CAMK4: variants seen among roughly 807,000 people sequenced by gnomAD.
CAMK4 encodes the protein calcium/calmodulin-dependent protein kinase type IV.
In CAMK4, 22 loss-of-function variants were observed where a neutral mutation model predicts 44.9. The observed-to-expected ratio is 0.49, with a 90% CI of 0.35 to 0.70. The LOEUF (loss-of-function observed/expected upper bound fraction) is 0.70. Ranked by LOEUF, CAMK4 falls within the 30% of genes least tolerant of loss-of-function variation. The pLI is 0.01. For missense variants in CAMK4, 498 were observed against 586.8 expected (o/e 0.85, Z 1.56); for synonymous variants, 218 against 215.4 (o/e 1.01, Z -0.11).
chr5:111,429,256 AAAAG>A, intron 5 of CAMK4, among the ~76,000 whole-genome samples: 1 of 152,322 alleles, frequency 6.6e-6, no homozygotes, highest in Admixed American at 6.5e-5. Context: ...GACTAAGAAA[AAAAG>A]AGAGAAGATC....
intron 2 of CAMK4, among the ~76,000 whole-genome samples, chr5:111,364,390 T>A (rs1750712633): frequency 6.6e-6 from 1 of 152,122 alleles, no homozygotes; most frequent in African/African-American, 2.4e-5. Context: ...TCAGCCAAAT[T>A]CTTTGTATTA....
chr5:111,231,777 A>G (rs1245959641), intron 1 of CAMK4, among the ~76,000 whole-genome samples: 17 of 152,244 alleles, frequency 1.1e-4, no homozygotes. Flanking sequence ...AACTGTGAAT[A>G]AAAGCAAATT....
At chr5:111,354,858 G>C (rs1750268087) in intron 2 of CAMK4, among the ~76,000 whole-genome samples, 1 of 152,058 alleles carries the variant, frequency 6.6e-6, no homozygotes, top group Non-Finnish European at 1.5e-5. Flanking sequence ...GGCAGACTCA[G>C]GATGCAGAAT....
chr5:111,358,734 C>T (rs1339819541), intron 2 of CAMK4, among the ~76,000 whole-genome samples: 1 of 151,886 alleles, frequency 6.6e-6, no homozygotes, highest in South Asian at 2.1e-4. Flanking sequence ...CCTTCACCTC[C>T]AGGTAGGCCC....
chr5:111,277,722 T>A (rs1343674205), intron 1 of CAMK4: 1 of 152,212 alleles, frequency 6.6e-6, no homozygotes, highest in African/African-American at 2.4e-5. Flanking sequence ...CAATTTTTTG[T>A]GTATCTCAGT....
intron 1 of CAMK4, among the ~76,000 whole-genome samples, chr5:111,245,670 A>G (rs1325154255): frequency 6.6e-6 from 1 of 152,236 alleles, no homozygotes; most frequent in Non-Finnish European, 1.5e-5. Context: ...CTAATATTTT[A>G]AACCTGTTAA....
intron 1 of CAMK4, among the ~76,000 whole-genome samples, chr5:111,314,461 C>T (rs1223801383): frequency 6.6e-6 from 1 of 152,052 alleles, no homozygotes; most frequent in Non-Finnish European, 1.5e-5. Flanking sequence ...CTGTAACCCA[C>T]ATTTTACATT....
chr5:111,369,398 G>A (rs935872242), intron 2 of CAMK4, among the ~76,000 whole-genome samples: 2 of 151,922 alleles, frequency 1.3e-5, no homozygotes, highest in Non-Finnish European at 1.5e-5. Context: ...AAATAGCTAC[G>A]CATATTTGCT....
intron 5 of CAMK4, among the ~76,000 whole-genome samples, chr5:111,431,308 A>G (rs1753432893): frequency 6.6e-6 from 1 of 152,176 alleles, no homozygotes; most frequent in Non-Finnish European, 1.5e-5. Flanking sequence ...GGATATCCAT[A>G]TGCAAAAGAA....
intron 5 of CAMK4, among the ~76,000 whole-genome samples, chr5:111,424,692 C>T (rs1753157885): frequency 6.6e-6 from 1 of 151,656 alleles, no homozygotes; most frequent in African/African-American, 2.4e-5. Flanking sequence ...TGCGATCCGC[C>T]CGCCTTGGCC....
intron 1 of CAMK4, among the ~76,000 whole-genome samples, chr5:111,261,081 T>G (rs1029139137): frequency 3.9e-5 from 6 of 152,196 alleles, no homozygotes; most frequent in African/African-American, 1.4e-4. Flanking sequence ...ATTCCTAGAA[T>G]GCCCTTTCTC....
chr5:111,279,997 T>G (rs1750940215), intron 1 of CAMK4, among the ~76,000 whole-genome samples: 1 of 152,180 alleles, frequency 6.6e-6, no homozygotes, highest in Non-Finnish European at 1.5e-5. Flanking sequence ...CAGCCGGTAT[T>G]CACAGCAGTA....
intron 7 of CAMK4, among the ~76,000 whole-genome samples, chr5:111,456,549 TG>T (rs1754425457): frequency 6.6e-6 from 1 of 152,134 alleles, no homozygotes; most frequent in African/African-American, 2.4e-5. Flanking sequence ...ATGACATTGA[TG>T]GTTCTAAACT....
At chr5:111,251,119 A>G (rs1749470802) in intron 1 of CAMK4, among the ~76,000 whole-genome samples, 1 of 152,194 alleles carries the variant, frequency 6.6e-6, no homozygotes, top group South Asian at 2.1e-4. Context: ...AGAGTTGCGT[A>G]GCTGTATTTT....
In CAMK4 at chr5:111,261,980, T is replaced by C. The variant is rs1183156716; in HGVS notation, c.161+37336T>C. On this transcript the variant is annotated intron_variant, in intron 1 of 10. Coordinates refer to ENST00000282356, the MANE Select transcript of CAMK4 (RefSeq NM_001744.6). ...CACAGCCTGGGATATTAAGGAGAAGTCCTTATCTTTGAGAGTTTAATACTT... is the reference window on the plus strand; with the variant it reads ...CACAGCCTGGGATATTAAGGAGAAGCCCTTATCTTTGAGAGTTTAATACTT... 3.2e-4 allele frequency among the ~76,000 whole-genome samples: 49 copies of C among 152,030 alleles called. 1 individual carries two copies. Among genetic ancestry groups the C allele is most frequent in the Non-Finnish European group, 6.8e-4 (46 of 67,992 alleles).
At chr5:111,278,130 A>G (rs915963660) in intron 1 of CAMK4, among the ~76,000 whole-genome samples, 1 of 152,206 alleles carries the variant, frequency 6.6e-6, no homozygotes, top group Non-Finnish European at 1.5e-5. Flanking sequence ...CTCTTAACTG[A>G]GATTATAATG....
intron 1 of CAMK4, among the ~76,000 whole-genome samples, chr5:111,316,982 G>T (rs893128887): frequency 6.6e-6 from 1 of 152,040 alleles, no homozygotes; most frequent in Non-Finnish European, 1.5e-5. Context: ...ATAGGAATTC[G>T]TCTTGAAATT....
chr5:111,317,790 G>A (rs2112685995), intron 1 of CAMK4, among the ~76,000 whole-genome samples: 1 of 148,726 alleles, frequency 6.7e-6, no homozygotes, highest in Admixed American at 6.9e-5. Flanking sequence ...CCATGGCCAT[G>A]TTGAAATTTT....
intron 2 of CAMK4, among the ~76,000 whole-genome samples, chr5:111,353,116 C>T (rs560942454): frequency 6.6e-6 from 1 of 152,062 alleles, no homozygotes; most frequent in East Asian, 1.9e-4. Flanking sequence ...AGCCAGGTAC[C>T]TAAATACAGA....
Sources: allele counts gnomAD v4.1 joint callset (sites outside exome capture counted in the v4.1 genomes callset), GRCh38; gene constraint gnomAD v4.1.1; transcripts MANE v1.5; gene names NCBI Gene and HGNC (gene_info 2026-07-23, HGNC 2026-07-21).